The following LRP1B variants were observed in gnomAD, a reference collection of about 807,000 sequenced individuals.
LRP1B encodes the protein low-density lipoprotein receptor-related protein 1B.
Under a neutral mutation model 556.6 loss-of-function variants are expected in LRP1B, and 217 were observed. That is an observed-to-expected ratio of 0.39 (90% confidence interval 0.35 to 0.44). The LOEUF (loss-of-function observed/expected upper bound fraction) is 0.44. Ranked by LOEUF, LRP1B falls within the 20% of genes least tolerant of loss-of-function variation. The pLI, the probability that LRP1B is intolerant of heterozygous loss-of-function variation, is 1.00. For missense variants in LRP1B, 5,053 were observed against 5,620.8 expected, an observed-to-expected ratio of 0.90 and a Z score of 3.23; for synonymous variants, 2,047 against 1,865.8, an observed-to-expected ratio of 1.10 and a Z score of -2.50.
intron 2 of LRP1B, among the ~76,000 whole-genome samples, chr2:141,634,374 T>TAGAAGGG (rs1435176736): frequency 6.6e-6 from 1 of 151,956 alleles, no homozygotes; most frequent in East Asian, 1.9e-4. Flanking sequence ...AAAATTATAC[T>TAGAAGGG]ATTTTATAGA....
chr2:141,614,436 G>A (rs1688224733), intron 2 of LRP1B, among the ~76,000 whole-genome samples: 1 of 152,142 alleles, frequency 6.6e-6, no homozygotes, highest in Non-Finnish European at 1.5e-5. Context: ...AAGATATGCT[G>A]AATTCCTAAT....
At chr2:141,232,484 T>C (rs1486740488) in intron 5 of LRP1B, among the ~76,000 whole-genome samples, 1 of 152,170 alleles carries the variant, frequency 6.6e-6, no homozygotes, top group Non-Finnish European at 1.5e-5. Flanking sequence ...ATGTAGGGCA[T>C]AAACATTCTT....
At chr2:141,055,340 T>C in intron 9 of LRP1B, 81 bp from the exon 10 acceptor site, 1 of 1,477,754 alleles carries the variant, frequency 6.8e-7, no homozygotes, top group Non-Finnish European at 9.1e-7. Flanking sequence ...TCAAAATTTC[T>C]ATAGTGTAAA....
intron 2 of LRP1B, among the ~76,000 whole-genome samples, chr2:141,674,017 C>A (rs1313646114): frequency 6.6e-6 from 1 of 151,950 alleles, no homozygotes; most frequent in African/African-American, 2.4e-5. Context: ...ATCCAAAGCA[C>A]ATTTCATTCA....
At chr2:142,032,869 A>T (rs902764149) in intron 1 of LRP1B, among the ~76,000 whole-genome samples, 1 of 151,792 alleles carries the variant, frequency 6.6e-6, no homozygotes, top group Non-Finnish European at 1.5e-5. Flanking sequence ...CCATTCTCTC[A>T]GTTGCTAGCT....
chr2:141,193,797 G>A (rs1681628507), intron 6 of LRP1B, among the ~76,000 whole-genome samples: 2 of 151,592 alleles, frequency 1.3e-5, no homozygotes, highest in South Asian at 4.2e-4. Flanking sequence ...AAAAATAAAA[G>A]GAATTGTTGT....
intron 6 of LRP1B, among the ~76,000 whole-genome samples, chr2:141,218,028 A>C (rs1199582275): frequency 6.6e-6 from 1 of 152,188 alleles, no homozygotes; most frequent in Non-Finnish European, 1.5e-5. Flanking sequence ...AACCACAATG[A>C]GATACCATCT....
intron 35 of LRP1B, among the ~76,000 whole-genome samples, chr2:140,725,329 C>CT (rs57049412): frequency 0.047 from 7,051 of 150,902 alleles, 241 homozygotes; most frequent in Middle Eastern, 0.096. Flanking sequence ...AAGACCAGAC[C>CT]TTTTTTTTTC....
chr2:140,263,586 C>T (rs1682046325), intron 86 of LRP1B, among the ~76,000 whole-genome samples: 1 of 152,098 alleles, frequency 6.6e-6, no homozygotes, highest in Non-Finnish European at 1.5e-5. Flanking sequence ...TTCAACATTT[C>T]GCATAGTCTC....
intron 2 of LRP1B, among the ~76,000 whole-genome samples, chr2:141,612,279 A>C (rs1269552981): frequency 6.6e-6 from 1 of 152,190 alleles, no homozygotes; most frequent in African/African-American, 2.4e-5. Context: ...ACATTATACC[A>C]ATTGTCCTGA....
chr2:141,388,852 T>C (rs1257285192), intron 3 of LRP1B, among the ~76,000 whole-genome samples: 7 of 152,248 alleles, frequency 4.6e-5, no homozygotes, highest in Admixed American at 2.0e-4. Context: ...ATTATGTTCC[T>C]CACACTAGCA....
At chr2:141,369,973 C>T (rs1269806126) in intron 3 of LRP1B, among the ~76,000 whole-genome samples, 2 of 152,138 alleles carry the variant, frequency 1.3e-5, no homozygotes, top group Non-Finnish European at 2.9e-5. Context: ...GACATGGTTT[C>T]ATTCTTTTTT....
rs369676713 is a variant in LRP1B at position 140,840,956 on chromosome 2, G to A, written c.5076C>T (p.Ile1692=). The change falls in exon 30 of 91, where the codon ATC becomes ATT. Residue 1692 remains isoleucine (I), a synonymous_variant. Coordinates refer to ENST00000389484, the MANE Select transcript of LRP1B (RefSeq NM_018557.3). ...GAGCTGCAAGACACTGTGGCTTATCGATTCCATGGATAATTGAGGTTTTCA... is the reference window on the plus strand; with the variant it reads ...GAGCTGCAAGACACTGTGGCTTATCAATTCCATGGATAATTGAGGTTTTCA... ...GSLKTSIIHG[I]DKPQCLAAHP... The A allele has an allele frequency of 6.6e-5, 106 of 1,612,866 alleles. No homozygotes were observed. The highest frequency in any genetic ancestry group is 8.0e-5 in the African/African-American group (6 of 74,798).
intron 60 of LRP1B, among the ~76,000 whole-genome samples, chr2:140,466,136 T>C (rs1187359351): frequency 2.0e-5 from 3 of 151,334 alleles, no homozygotes; most frequent in African/African-American, 7.3e-5. Flanking sequence ...TTTTTTTTTT[T>C]TTTTGGTGGG....
chr2:140,272,711 A>T, intron 85 of LRP1B, among the ~76,000 whole-genome samples: 1 of 152,026 alleles, frequency 6.6e-6, no homozygotes, highest in East Asian at 1.9e-4. Flanking sequence ...TGTGAAAAGT[A>T]TCATAGAAAT....
intron 5 of LRP1B, among the ~76,000 whole-genome samples, chr2:141,234,083 G>A (rs1340066415): frequency 6.6e-6 from 1 of 151,980 alleles, no homozygotes; most frequent in Non-Finnish European, 1.5e-5. Context: ...TGGAGAGTCA[G>A]ACTAATATGG....
intron 32 of LRP1B, among the ~76,000 whole-genome samples, chr2:140,792,801 C>T (rs1466046800): frequency 6.6e-6 from 1 of 151,928 alleles, no homozygotes; most frequent in Admixed American, 6.6e-5. Context: ...TGTATAGTAA[C>T]CCAGAGAGCA....
At chr2:141,421,750 C>A (rs6712398) in intron 3 of LRP1B, among the ~76,000 whole-genome samples, 152,028 of 152,252 alleles carry the variant, frequency 1, 75,902 homozygotes, top group Non-Finnish European at 1. Context: ...GGGCCTTATG[C>A]ACTTTTATGC....
rs563713722 is a variant in LRP1B, at chr2:142,057,349, T to C, written c.82+73299A>G. On this transcript the variant is annotated intron_variant, in intron 1 of 90. Transcript: ENST00000389484. ...TCAGGGCCATGAAATCAGCAGAGTG[T>C]ATCTCAGTGACCTAAAAAATCCAAG... Among the ~76,000 whole-genome samples, 14 of 152,254 alleles carry C rather than the reference T, an allele frequency of 9.2e-5. No homozygotes were observed. The South Asian group carries it at 2.1e-3, about 22-fold the overall frequency.
Sources: allele counts gnomAD v4.1 joint callset (sites outside exome capture counted in the v4.1 genomes callset), GRCh38; gene constraint gnomAD v4.1.1; transcripts MANE v1.5; gene names NCBI Gene and HGNC (gene_info 2026-07-23, HGNC 2026-07-21).